Variants in TOMM70 observed in about 807,000 individuals in gnomAD.
TOMM70 encodes the protein mitochondrial import receptor subunit TOM70.
In TOMM70, 13 loss-of-function variants were observed where a neutral mutation model predicts 73.6. That is an observed-to-expected ratio of 0.18 (90% CI 0.11 to 0.28). The LOEUF (loss-of-function observed/expected upper bound fraction) is 0.28, where lower values mean the gene tolerates loss of function less well. Ranked by LOEUF, TOMM70 falls within the 10% of genes least tolerant of loss-of-function variation. TOMM70 has a pLI of 1.00. For missense variants in TOMM70, 609 were observed against 747.5 expected (o/e 0.81, Z 2.16); for synonymous variants, 257 against 271.2 (o/e 0.95, Z 0.51).
chr3:100,386,278 C>A lies in TOMM70; in HGVS notation c.565G>T (p.Ala189Ser). 6.2e-7 allele frequency: 1 copy of A among 1,613,306 alleles called. No homozygotes were observed. Among genetic ancestry groups the A allele is most frequent in the Non-Finnish European group, 8.5e-7 (1 of 1,179,572 alleles). Residue 189 changes from alanine (A) to serine (S), a missense_variant, in exon 3 of 12, where the codon GCT (alanine) becomes TCT (serine). Transcript: ENST00000284320. ...TGGGCTTTTGCACGTCTAAAGAGAG[C>A]TTTCACATATTTGGGATTAAGTTCA... ...AVELNPKYVK[A>S]LFRRAKAHEK... is the part of the protein sequence containing the mutation.
chr3:100,396,014 GTTTTT>G (rs34486101), intron 1 of TOMM70, among the ~76,000 whole-genome samples: 3 of 140,640 alleles, frequency 2.1e-5, no homozygotes, highest in East Asian at 2.1e-4. Context: ...CTGGTATCAG[GTTTTT>G]TTTTTTTTTT....
Position 100,386,856 on chromosome 3 carries a change from A to T in TOMM70, c.447T>A (p.Asn149Lys), listed in dbSNP as rs749120677. Residue 149 changes from asparagine to lysine, a missense_variant, in exon 2 of 12, where the codon AAT becomes AAA. By Grantham distance (94) the Asn-to-Lys change is moderately conservative. Transcript: ENST00000284320. The part of the protein sequence containing the change: ...EAISLCPTEK[N>K]VDLSTFYQNR... ...TTTGATAAAATGTAGAAAGGTCAACATTCTTCTCTGTAGGGCACAAGCTAA... is the reference window on the plus strand; with the variant it reads ...TTTGATAAAATGTAGAAAGGTCAACTTTCTTCTCTGTAGGGCACAAGCTAA... 1.2e-6 allele frequency: 2 copies of T among 1,614,164 alleles called. No individual in the cohort carries two copies. Among genetic ancestry groups the T allele is most frequent in the Non-Finnish European group, 1.7e-6 (2 of 1,180,020 alleles).
chr3:100,398,105 C>T (rs930066328), intron 1 of TOMM70, among the ~76,000 whole-genome samples: 22 of 151,834 alleles, frequency 1.4e-4, no homozygotes, highest in Admixed American at 1.0e-3. Flanking sequence ...TAGTTTCAGC[C>T]GGTGAGGTGG....
At position 100,364,827 on chromosome 3, in the gene TOMM70, C is replaced by G. The variant is rs1274974097; in HGVS notation, c.*737G>C. The G allele has an allele frequency of 6.6e-6, 1 of 152,186 alleles. No individual in the cohort carries two copies. Among genetic ancestry groups the G allele is most frequent in the South Asian group, 2.1e-4 (1 of 4,838 alleles). The allele number at this position is 152,186 out of a possible 1,614,324, so 9.4% of individuals were successfully genotyped here. On this transcript the variant is annotated 3_prime_UTR_variant, in exon 12 of 12. Transcript: ENST00000284320. ...AACACACTACTGTTTCATCTTACCT[C>G]TTTGTCTGGTCCACTCCCCCATCAA...
chr3:100,378,048 C>T (rs1412805782), intron 5 of TOMM70, 136 bp from the exon 6 acceptor site: 12 of 648,790 alleles, frequency 1.8e-5, no homozygotes, highest in Non-Finnish European at 2.8e-5. Context: ...CATTCGAGAC[C>T]AGCCTGGCCA....
In TOMM70 at chr3:100,400,794, G is replaced by A. The variant is rs779573283; in HGVS notation, c.156C>T (p.Gly52=). 6 of 1,545,182 alleles carry A rather than the reference G, an allele frequency of 3.9e-6. No individual in the cohort carries two copies. The South Asian group carries it at 5.9e-5, about 15-fold the overall frequency. The stretch of plus-strand genomic sequence containing the variant: ...GACTCCACAGGTATATGGCACCCGC[G>A]CCCAGCAGCAGGGGTGCCCCGACCG... The part of the protein sequence containing the change: ...ALAVGAPLLL[G]AGAIYLWSRQ... Residue 52 remains glycine (G), a synonymous_variant, in exon 1 of 12, where the codon GGC becomes GGT. Transcript: ENST00000284320.
intron 1 of TOMM70, among the ~76,000 whole-genome samples, chr3:100,389,920 G>A (rs1391753685): frequency 2.0e-5 from 3 of 152,014 alleles, no homozygotes; most frequent in African/African-American, 7.2e-5. Flanking sequence ...GGCACCTGTA[G>A]TCCCAGCTAC....
chr3:100,373,038 T>C (rs1039239052), intron 8 of TOMM70, among the ~76,000 whole-genome samples: 1 of 152,078 alleles, frequency 6.6e-6, no homozygotes, highest in African/African-American at 2.4e-5. Flanking sequence ...TCATTTATAA[T>C]ATATATTTGT....
chr3:100,377,515 A>T, intron 6 of TOMM70, 190 bp downstream of exon 6: 2 of 600,278 alleles, frequency 3.3e-6, no homozygotes, highest in Non-Finnish European at 5.7e-6. Context: ...CTAAATAAAG[A>T]TAAATATCAT....
At position 100,372,724 on chromosome 3, in the gene TOMM70, T is replaced by C; in HGVS notation, c.1336-2A>G. ...GTTTCCCGTATATGCCTGGCGGTAC[T>C]ATAAAAAATCAAAACAGGCCTGTCA... On this transcript the variant is annotated splice_acceptor_variant, in intron 8 of 11. Coordinates refer to ENST00000284320, the MANE Select transcript of TOMM70 (RefSeq NM_014820.5). LOFTEE classifies it high-confidence loss of function. The C allele has an allele frequency of 6.2e-7, 1 of 1,611,402 alleles. No homozygotes were observed. The highest frequency in any genetic ancestry group is 8.5e-7 in the Non-Finnish European group (1 of 1,178,836).
intron 9 of TOMM70, 120 bp downstream of exon 9, chr3:100,372,486 A>G (rs979520326): frequency 1.3e-6 from 1 of 754,574 alleles, no homozygotes; most frequent in African/African-American, 1.8e-5. Flanking sequence ...AGAATCAATC[A>G]GGAACAAAGC....
chr3:100,399,937 G>T (rs1255742635), intron 1 of TOMM70, among the ~76,000 whole-genome samples: 1 of 152,024 alleles, frequency 6.6e-6, no homozygotes, highest in Non-Finnish European at 1.5e-5. Flanking sequence ...GGCAGGAGAG[G>T]TTACGGGCGC....
intron 7 of TOMM70, 25 bp downstream of exon 7, chr3:100,374,993 C>T: frequency 6.4e-7 from 1 of 1,558,784 alleles, no homozygotes; most frequent in Non-Finnish European, 8.7e-7. Flanking sequence ...ACAAGTCAGA[C>T]CTCTAGGTAA....
At position 100,368,039 on chromosome 3, in the gene TOMM70, G is replaced by GT; in HGVS notation, c.1673+4dup. ...ATATATTTCCTAACAGACTCCAGAA[G>GT]TTACCTTTGTACTTCAATAGTTCCC... On this transcript the variant is annotated splice_donor_region_variant and intron_variant, in intron 11 of 11. Transcript: ENST00000284320. 6.2e-7 allele frequency: 1 copy of GT among 1,612,214 alleles called. No individual in the cohort carries two copies. The highest frequency in any genetic ancestry group is 1.1e-5 in the South Asian group (1 of 90,684).
intron 1 of TOMM70, among the ~76,000 whole-genome samples, chr3:100,399,050 G>T (rs569351477): frequency 1.3e-5 from 2 of 152,306 alleles, no homozygotes; most frequent in East Asian, 3.9e-4. Flanking sequence ...GGGAGGCCAA[G>T]ATGGGCAGAT....
At chr3:100,387,060 A>C in intron 1 of TOMM70, 82 bp from the exon 2 acceptor site, 2 of 1,423,110 alleles carry the variant, frequency 1.4e-6, no homozygotes, top group Non-Finnish European at 1.9e-6. Flanking sequence ...AAATTGATAA[A>C]AACAGGAAGA....
At chr3:100,372,773 G>A in intron 8 of TOMM70, 51 bp from the exon 9 acceptor site, 1 of 1,422,888 alleles carries the variant, frequency 7.0e-7, no homozygotes, top group African/African-American at 1.4e-5. Context: ...AAAACTCATG[G>A]AATGTTAACA....
intron 6 of TOMM70, among the ~76,000 whole-genome samples, chr3:100,375,483 A>G (rs1405953353): frequency 2.6e-5 from 4 of 152,206 alleles, no homozygotes; most frequent in Non-Finnish European, 4.4e-5. Flanking sequence ...TGTAAGTGGA[A>G]TCATACATTA....
rs578210544 is a variant in TOMM70, at chr3:100,387,035, C to T, written c.325-57G>A. On this transcript the variant is annotated intron_variant, in intron 1 of 11. Coordinates refer to ENST00000284320, the MANE Select transcript of TOMM70 (RefSeq NM_014820.5). ...AATCAACATTCACAGACTCAGACCA[C>T]AGTAATTAAACAATAAATTGATAAA... 1.2e-4 allele frequency: 181 copies of T among 1,542,312 alleles called. No homozygotes were observed. In the South Asian group the frequency reaches 2.1e-3, roughly 18 times the overall value.
Sources: allele counts gnomAD v4.1 joint callset (sites outside exome capture counted in the v4.1 genomes callset), GRCh38; gene constraint gnomAD v4.1.1; transcripts MANE v1.5; gene names NCBI Gene and HGNC (gene_info 2026-07-23, HGNC 2026-07-21).